The following REXO4 variants were observed in gnomAD, a reference collection of about 807,000 sequenced individuals.
REXO4 encodes the protein RNA exonuclease 4.
In REXO4, 29 loss-of-function variants were observed where a neutral mutation model predicts 39.9. The ratio of observed to expected loss-of-function variants is 0.73; its 90% CI spans 0.54 to 0.99. The LOEUF (loss-of-function observed/expected upper bound fraction) is 0.99. REXO4 is among the 50% of genes least tolerant of loss of function. The pLI is 0.00. For synonymous variants in REXO4, 184 were observed against 206.2 expected, an observed-to-expected ratio of 0.89 and a Z score of 0.92; for missense variants, 524 against 546.5, an observed-to-expected ratio of 0.96 and a Z score of 0.41.
chr9:133,407,712 C>T, intron 7 of REXO4, 95 bp downstream of exon 7: 1 of 914,374 alleles, frequency 1.1e-6, no homozygotes, highest in Non-Finnish European at 1.7e-6. Flanking sequence ...GTGCCCAAGC[C>T]CCACCTCCCC....
chr9:133,417,629 C>A lies in REXO4; in HGVS notation c.216G>T (p.Ala72=), dbSNP rs1009062814. ...APEDFSQNWK[A]LQEWLLKQKS... ...CCCCCTCAAGCCTCACCTCTTGCAG[C>A]GCCTTCCAGTTTTGAGAAAAGTCTT... is the stretch of plus-strand genomic sequence containing the variant. Residue 72 remains alanine, a synonymous_variant, in exon 1 of 8, where the codon GCG becomes GCT. Coordinates refer to ENST00000371942, the MANE Select transcript of REXO4 (RefSeq NM_020385.4). 1 of 1,613,634 alleles carries A rather than the reference C, an allele frequency of 6.2e-7. No homozygotes were observed. The highest frequency in any genetic ancestry group is 1.1e-5 in the South Asian group (1 of 91,072).
At chr9:133,413,830 G>C (rs1564396183) in intron 2 of REXO4, among the ~76,000 whole-genome samples, 1 of 152,210 alleles carries the variant, frequency 6.6e-6, no homozygotes, top group Non-Finnish European at 1.5e-5. Flanking sequence ...TACTGCACTT[G>C]ACAATAAGCC....
chr9:133,417,493 G>T, intron 1 of REXO4, 127 bp downstream of exon 1: 7 of 957,088 alleles, frequency 7.3e-6, no homozygotes, highest in Non-Finnish European at 9.5e-6. Context: ...CTTGTGAAAA[G>T]CTGTTTACAA....
rs782245774 is a variant in REXO4 at position 133,408,829 on chromosome 9, T to C, written c.1013A>G (p.Asp338Gly). ...GTCCCGAATCTTCTTTTTTGGATGA[T>C]CAAGAAATAGTACCTAGAAAAATAA... ...LHNDLKVLFL[D>G]HPKKKIRDTQ... The change falls in exon 6 of 8, where the codon GAT becomes GGT. Residue 338 changes from aspartate to glycine, a missense_variant. Asp to Gly is a moderately conservative substitution (Grantham distance 94). Transcript: ENST00000371942. 29 of 1,592,920 alleles carry C rather than the reference T, an allele frequency of 1.8e-5. No homozygotes were observed. The Admixed American group carries it at 2.5e-4, about 14-fold the overall frequency.
intron 5 of REXO4, 124 bp from the exon 6 acceptor site, chr9:133,408,966 GTGTGTGTGT>G: frequency 1.9e-6 from 1 of 528,714 alleles, no homozygotes; most frequent in Non-Finnish European, 3.4e-6. Flanking sequence ...GTGTGTGTGT[GTGTGTGTGT>G]GTGTGTGTGT....
In REXO4 at chr9:133,411,041, C is replaced by T; in HGVS notation, c.943G>A (p.Ala315Thr). Residue 315 changes from alanine to threonine, a missense_variant, in exon 5 of 8, where the codon GCA becomes ACA. Coordinates refer to ENST00000371942, the MANE Select transcript of REXO4 (RefSeq NM_020385.4). ...AGAATTCTGCCCTTCAGCATCTCTG[C>T]CACTTCCTTCTGAACAACTTCAAGC... is the stretch of plus-strand genomic sequence containing the variant. ...EELEVVQKEVAEMLKGRILVG... is the reference protein window; with the variant it reads ...EELEVVQKEVTEMLKGRILVG... The T allele has an allele frequency of 6.2e-7, 1 of 1,614,170 alleles. No individual in the cohort carries two copies. The highest frequency in any genetic ancestry group is 8.5e-7 in the Non-Finnish European group (1 of 1,180,016).
intron 2 of REXO4, 86 bp from the exon 3 acceptor site, chr9:133,413,007 G>A: frequency 1.4e-6 from 2 of 1,431,018 alleles, no homozygotes. Context: ...GTGCAGGTGA[G>A]TGGAGCGATG....
At chr9:133,408,583 C>T (rs1471094282) in intron 6 of REXO4, among the ~76,000 whole-genome samples, 185 bp downstream of exon 6, 2 of 152,124 alleles carry the variant, frequency 1.3e-5, no homozygotes, top group Non-Finnish European at 1.5e-5. Flanking sequence ...ACTTGCCCTC[C>T]GTTGCAATCA....
chr9:133,412,359 C>T lies in REXO4; in HGVS notation c.850G>A (p.Glu284Lys), dbSNP rs201264176. The T allele has an allele frequency of 6.6e-5, 106 of 1,614,088 alleles. No individual in the cohort carries two copies. The Admixed American group carries it at 8.8e-4, about 13-fold the overall frequency. Residue 284 changes from glutamate to lysine, a missense_variant, in exon 4 of 8, where the codon GAG becomes AAG. By Grantham distance (56) the Glu-to-Lys change is moderately conservative (BLOSUM62 1). Coordinates refer to ENST00000371942, the MANE Select transcript of REXO4 (RefSeq NM_020385.4). ...GCTGTCCTATAGTCCGTCACGGGCT[C>T]GGTTGGTTTGACGTACTTGTCATAA... ...CVYDKYVKPT[E>K]PVTDYRTAVS...
At chr9:133,410,300 C>A (rs1554779866) in intron 5 of REXO4, among the ~76,000 whole-genome samples, 2 of 152,202 alleles carry the variant, frequency 1.3e-5, no homozygotes, top group African/African-American at 4.8e-5. Context: ...AACATCCAGG[C>A]ATTTGCCCAT....
chr9:133,418,047 G>A, upstream of REXO4: 1 of 584,156 alleles, frequency 1.7e-6, no homozygotes, highest in East Asian at 2.9e-5. Flanking sequence ...GGAAGCGCTC[G>A]TCTCTCCACA....
chr9:133,411,110 A>AC (rs1393777671), intron 4 of REXO4, 37 bp from the exon 5 acceptor site: 1 of 1,527,214 alleles, frequency 6.5e-7, no homozygotes, highest in Non-Finnish European at 9.1e-7. Flanking sequence ...TTTTTGCAAC[A>AC]CACACATCAC....
chr9:133,412,582 A>G (rs2130722203), intron 3 of REXO4, 90 bp from the exon 4 acceptor site: 1 of 1,468,246 alleles, frequency 6.8e-7, no homozygotes, highest in Non-Finnish European at 9.4e-7. Context: ...ACTAAGTGTC[A>G]GCAGAGAAAA....
chr9:133,413,117 G>C (rs1269148957), intron 2 of REXO4, among the ~76,000 whole-genome samples, 196 bp from the exon 3 acceptor site: 5 of 150,154 alleles, frequency 3.3e-5, no homozygotes, highest in Non-Finnish European at 7.4e-5. Context: ...TTTTTTTTTT[G>C]AGATGGAGTC....
intron 2 of REXO4, 101 bp from the exon 3 acceptor site, chr9:133,413,022 A>T: frequency 7.7e-7 from 1 of 1,294,496 alleles, no homozygotes; most frequent in Non-Finnish European, 1.1e-6. Flanking sequence ...GCGATGGCAC[A>T]GCCTGCCTCT....
chr9:133,409,391 G>A (rs1439644101), intron 5 of REXO4, among the ~76,000 whole-genome samples: 1 of 152,144 alleles, frequency 6.6e-6, no homozygotes, highest in African/African-American at 2.4e-5. Context: ...AACAGTCAGA[G>A]ACAATAAAAA....
intron 5 of REXO4, among the ~76,000 whole-genome samples, chr9:133,409,763 A>G (rs4962142): frequency 0.11 from 15,996 of 152,116 alleles, 1,058 homozygotes; most frequent in African/African-American, 0.18. Flanking sequence ...GGTCTCCCCT[A>G]TGTTACTCAG....
chr9:133,414,195 A>C (rs782212430), intron 2 of REXO4: 6 of 351,250 alleles, frequency 1.7e-5, no homozygotes, highest in Non-Finnish European at 2.8e-5. Flanking sequence ...TTGGCCTCCC[A>C]AGGAGCTGGG....
chr9:133,410,743 C>T (rs1000673228), intron 5 of REXO4, among the ~76,000 whole-genome samples: 4 of 152,282 alleles, frequency 2.6e-5, no homozygotes, highest in East Asian at 3.9e-4. Context: ...CTCATTAGGG[C>T]GGGGTTGCCA....
Sources: allele counts gnomAD v4.1 joint callset (sites outside exome capture counted in the v4.1 genomes callset), GRCh38; gene constraint gnomAD v4.1.1; transcripts MANE v1.5; gene names NCBI Gene and HGNC (gene_info 2026-07-23, HGNC 2026-07-21).